Variants in CHD6 observed in about 807,000 individuals in gnomAD.
CHD6 encodes the protein ATP-dependent chromatin remodeler CHD6.
In CHD6, 50 loss-of-function variants were observed where a neutral mutation model predicts 276.9. The observed-to-expected ratio is 0.18, with a 90% CI of 0.14 to 0.23. The LOEUF (loss-of-function observed/expected upper bound fraction) is 0.23, where lower values mean the gene tolerates loss of function less well. CHD6 is among the 10% of genes least tolerant of loss of function. The pLI, the probability that CHD6 is intolerant of heterozygous loss-of-function variation, is 1.00. For missense variants in CHD6, 2,564 were observed against 3,365.8 expected, an observed-to-expected ratio of 0.76 and a Z score of 5.89; for synonymous variants, 1,173 against 1,229.3, an observed-to-expected ratio of 0.95 and a Z score of 0.96.
At position 41,473,272 on chromosome 20, in the gene CHD6, T is replaced by G. The variant is rs1161186335; in HGVS notation, c.2664+50A>C. 2.6e-6 allele frequency: 4 copies of G among 1,564,068 alleles called. No individual in the cohort carries two copies. The highest frequency in any genetic ancestry group is 3.5e-6 in the Non-Finnish European group (4 of 1,142,228). On this transcript the variant is annotated intron_variant, in intron 17 of 36. Transcript: ENST00000373233. The surrounding 1 kb of genome is among the most constrained non-coding windows in gnomAD (Gnocchi z 4.1). ...AGCCAAGCCAGGCCCTATCATGATG[T>G]TCTGGGATCCAGGGCAGCTAAGGTA...
chr20:41,505,188 G>A (rs1272562659), intron 5 of CHD6, among the ~76,000 whole-genome samples: 1 of 152,118 alleles, frequency 6.6e-6, no homozygotes, highest in Non-Finnish European at 1.5e-5. Flanking sequence ...TTAAAAGTCC[G>A]ACAAATATCT....
At chr20:41,614,237 T>C (rs1185928597) in intron 1 of CHD6, among the ~76,000 whole-genome samples, 3 of 152,198 alleles carry the variant, frequency 2.0e-5, no homozygotes, top group African/African-American at 7.2e-5. Context: ...CTACTTATGT[T>C]TGGATTCCTG....
At chr20:41,565,019 G>C (rs537055524) in intron 1 of CHD6, among the ~76,000 whole-genome samples, 2 of 152,198 alleles carry the variant, frequency 1.3e-5, no homozygotes, top group Admixed American at 1.3e-4. Context: ...TCATACCCAG[G>C]TAGAAGTAAC....
At chr20:41,436,126 A>G (rs1166814722) in intron 27 of CHD6, among the ~76,000 whole-genome samples, 1 of 152,232 alleles carries the variant, frequency 6.6e-6, no homozygotes, top group South Asian at 2.1e-4. Context: ...TATCTGACAA[A>G]AGACTAGTAT....
At position 41,402,390 on chromosome 20, in the gene CHD6, T is replaced by A. The variant is rs1164632493; in HGVS notation, c.*2203A>T. On this transcript the variant is annotated 3_prime_UTR_variant, in exon 37 of 37. Transcript: ENST00000373233. ...ACACCCAGAGAGTTAACATACAGAT[T>A]CCATAAGGATAACAAGGGATTGAGC... is the stretch of plus-strand genomic sequence containing the variant. 1 of 229,540 alleles carries A rather than the reference T, an allele frequency of 4.4e-6. No homozygotes were observed. The highest frequency in any genetic ancestry group is 5.7e-5 in the Admixed American group (1 of 17,640). 14.2% of individuals were successfully genotyped at this position (229,540 alleles called of 1,614,324 possible). A position where few individuals can be genotyped will look rare whatever the true frequency, so the allele number is the denominator to read the frequency against.
intron 1 of CHD6, among the ~76,000 whole-genome samples, chr20:41,553,162 CA>C (rs2146152347): frequency 6.6e-6 from 1 of 152,268 alleles, no homozygotes; most frequent in African/African-American, 2.4e-5. Context: ...TTAACCATCA[CA>C]AACTGCCACA....
chr20:41,473,397 G>A lies in CHD6; in HGVS notation c.2589C>T (p.Gly863=). 6.2e-7 allele frequency: 1 copy of A among 1,614,036 alleles called. No homozygotes were observed. Among genetic ancestry groups the A allele is most frequent in the Non-Finnish European group, 8.5e-7 (1 of 1,179,976 alleles). The part of the protein sequence containing the change: ...FVFLLCTRAG[G]LGINLTAADT... Reference sequence around the variant, plus strand: ...CAGCAGCTGTGAGATTGATCCCCAGGCCTCCCGCTCTGGTGCACAGAAGAA... The same window carrying A: ...CAGCAGCTGTGAGATTGATCCCCAGACCTCCCGCTCTGGTGCACAGAAGAA... Residue 863 remains glycine, a synonymous_variant, in exon 17 of 37, where the codon GGC becomes GGT. Coordinates refer to ENST00000373233, the MANE Select transcript of CHD6 (RefSeq NM_032221.5). This position sits in a 1 kb window ranked among gnomAD's most constrained non-coding sequence, Gnocchi z 4.1.
In CHD6 at chr20:41,497,506, C is replaced by T. The variant is rs1351304486; in HGVS notation, c.975-5G>A. ...CATTTACAATGTAAGTAGGAACTATCCAAAGACATACAAATTGTCAGGCAA... is the reference window on the plus strand; with the variant it reads ...CATTTACAATGTAAGTAGGAACTATTCAAAGACATACAAATTGTCAGGCAA... On this transcript the variant is annotated splice_polypyrimidine_tract_variant and splice_region_variant and intron_variant, in intron 7 of 36. Transcript: ENST00000373233. 4 of 1,589,888 alleles carry T rather than the reference C, an allele frequency of 2.5e-6. No homozygotes were observed. The South Asian group carries it at 4.4e-5, about 18-fold the overall frequency.
intron 3 of CHD6, among the ~76,000 whole-genome samples, chr20:41,528,345 T>C (rs922676124): frequency 7.9e-5 from 12 of 152,192 alleles, no homozygotes; most frequent in African/African-American, 2.9e-4. Flanking sequence ...TATGTGTATA[T>C]GTTTGTATGT....
intron 2 of CHD6, among the ~76,000 whole-genome samples, chr20:41,537,820 G>A (rs2044865171): frequency 6.6e-6 from 1 of 152,228 alleles, no homozygotes; most frequent in South Asian, 2.1e-4. Context: ...CAGTGTGACA[G>A]TCCTTCAAGA....
Position 41,488,555 on chromosome 20 carries a change from A to C in CHD6, c.1730T>G (p.Phe577Cys). The C allele has an allele frequency of 6.2e-7, 1 of 1,613,840 alleles. No homozygotes were observed. The highest frequency in any genetic ancestry group is 8.5e-7 in the Non-Finnish European group (1 of 1,179,848). Reference sequence around the variant, plus strand: ...TGGGCAGTCTGCTAGGATCATTTCAAATGTTGTGATGACGACGTGGAACTT... The same window carrying C: ...TGGGCAGTCTGCTAGGATCATTTCACATGTTGTGATGACGACGTGGAACTT... Reference protein sequence around the residue: ...VFKFHVVITTFEMILADCPEL... With the variant: ...VFKFHVVITTCEMILADCPEL... Residue 577 changes from phenylalanine (F) to cysteine (C), a missense_variant, in exon 13 of 37, where the codon TTT becomes TGT. Phe to Cys is a radical substitution (Grantham distance 205, BLOSUM62 -2). Coordinates refer to ENST00000373233, the MANE Select transcript of CHD6 (RefSeq NM_032221.5).
At chr20:41,425,690 T>C (rs539694406) in intron 28 of CHD6, among the ~76,000 whole-genome samples, 13 of 152,250 alleles carry the variant, frequency 8.5e-5, no homozygotes, top group Non-Finnish European at 1.3e-4. Flanking sequence ...GCAGATCCTT[T>C]GTTGCCTGCA....
At chr20:41,491,155 CAAT>C (rs1471439149) in intron 11 of CHD6, among the ~76,000 whole-genome samples, 1 of 151,772 alleles carries the variant, frequency 6.6e-6, no homozygotes. Flanking sequence ...ATTTTTTCTT[CAAT>C]AATAAATTAA....
intron 1 of CHD6, among the ~76,000 whole-genome samples, chr20:41,553,582 T>C: frequency 6.6e-6 from 1 of 152,248 alleles, no homozygotes; most frequent in East Asian, 1.9e-4. Context: ...GAGCGTGAGG[T>C]CTAGCTCCAG....
chr20:41,498,285 C>T, intron 6 of CHD6, 59 bp from the exon 7 acceptor site: 1 of 1,227,434 alleles, frequency 8.1e-7, no homozygotes, highest in South Asian at 1.3e-5. Context: ...CCTTACTGAG[C>T]CAAAAGAAAA....
chr20:41,534,027 A>G (rs1213703608), intron 2 of CHD6, among the ~76,000 whole-genome samples: 1 of 152,216 alleles, frequency 6.6e-6, no homozygotes, highest in Non-Finnish European at 1.5e-5. Context: ...ACCAACAAAT[A>G]AAAGTACAGC....
chr20:41,573,058 C>T (rs1383618455), intron 1 of CHD6, among the ~76,000 whole-genome samples: 6 of 152,010 alleles, frequency 3.9e-5, no homozygotes, highest in African/African-American at 7.2e-5. Flanking sequence ...TACAGTCGCC[C>T]GCCACCACGC....
intron 2 of CHD6, among the ~76,000 whole-genome samples, chr20:41,543,093 ACT>A (rs1288350548): frequency 1.4e-5 from 2 of 143,490 alleles, no homozygotes; most frequent in Non-Finnish European, 1.5e-5. Flanking sequence ...ACAGAGTGAG[ACT>A]CTGTCTCAAA....
At chr20:41,559,160 AC>A (rs2045273860) in intron 1 of CHD6, among the ~76,000 whole-genome samples, 1 of 151,884 alleles carries the variant, frequency 6.6e-6, no homozygotes, top group African/African-American at 2.4e-5. Flanking sequence ...ACACACACAC[AC>A]ACACACACAC....
Sources: allele counts gnomAD v4.1 joint callset (sites outside exome capture counted in the v4.1 genomes callset), GRCh38; gene constraint gnomAD v4.1.1; non-coding constraint Gnocchi (gnomAD v3.1); transcripts MANE v1.5; gene names NCBI Gene and HGNC (gene_info 2026-07-23, HGNC 2026-07-21).